Variants in RORA observed in about 807,000 individuals in gnomAD.
RORA encodes the protein RAR related orphan receptor A.
Under a neutral mutation model 69.5 loss-of-function variants are expected in RORA, and 7 were observed. That is an observed-to-expected ratio of 0.10 (90% CI 0.06 to 0.19). RORA has a LOEUF of 0.19. Among genes scored for constraint, RORA ranks in the 10% least tolerant of loss-of-function variants. RORA has a pLI of 1.00. For missense variants in RORA, 457 were observed against 663.0 expected (o/e 0.69, Z 3.41); for synonymous variants, 261 against 240.8 (o/e 1.08, Z -0.78).
Position 60,531,622 on chromosome 15 carries a change from A to T in RORA, c.282+144T>A, listed in dbSNP as rs962231727. ...ATAACTTCTTTAATTGTAATTTAAC[A>T]CCAAAATATTTCTTCTATCCTGTAA... is the stretch of plus-strand genomic sequence containing the variant. On this transcript the variant is annotated intron_variant, in intron 3 of 10. Transcript: ENST00000335670. The surrounding 1 kb of genome is among the most constrained non-coding windows in gnomAD (Gnocchi z 4.8). The T allele has an allele frequency of 1.7e-6, 1 of 572,864 alleles. No homozygotes were observed. The highest frequency in any genetic ancestry group is 3.1e-6 in the Non-Finnish European group (1 of 326,842). 35.5% of individuals were successfully genotyped at this position (572,864 alleles called of 1,614,324 possible). A position where few individuals can be genotyped will look rare whatever the true frequency, so the allele number is the denominator to read the frequency against.
intron 1 of RORA, among the ~76,000 whole-genome samples, chr15:61,208,395 T>C (rs77840503): frequency 8.5e-5 from 13 of 152,226 alleles, no homozygotes; most frequent in Non-Finnish European, 1.9e-4. Flanking sequence ...TGTCTTAGAC[T>C]AGGGCTAGGA....
chr15:60,644,109 G>T (rs911764142), intron 2 of RORA, among the ~76,000 whole-genome samples: 2 of 152,156 alleles, frequency 1.3e-5, no homozygotes, highest in Admixed American at 6.5e-5. Flanking sequence ...TTGAGGAGGG[G>T]ACTAATTTGA....
chr15:61,022,304 C>G (rs534632411), intron 1 of RORA, among the ~76,000 whole-genome samples: 1 of 152,102 alleles, frequency 6.6e-6, no homozygotes, highest in Non-Finnish European at 1.5e-5. Context: ...ATTTAGGCAG[C>G]TATTAATTAA....
intron 3 of RORA, among the ~76,000 whole-genome samples, chr15:60,521,311 G>A (rs776974938): frequency 1.3e-5 from 2 of 150,146 alleles, no homozygotes; most frequent in Non-Finnish European, 2.9e-5. Flanking sequence ...GCATTACCTC[G>A]GGTCACTGCA....
At chr15:61,153,299 A>G (rs2079413873) in intron 1 of RORA, among the ~76,000 whole-genome samples, 1 of 152,216 alleles carries the variant, frequency 6.6e-6, no homozygotes, top group South Asian at 2.1e-4. Flanking sequence ...TTAAGGCTAC[A>G]CCATGTATAC....
chr15:60,726,826 G>A (rs1356275152), intron 1 of RORA, among the ~76,000 whole-genome samples: 1 of 152,150 alleles, frequency 6.6e-6, no homozygotes, highest in Non-Finnish European at 1.5e-5. Context: ...GGGTCGTGGG[G>A]TAGATAATCA....
At position 60,497,573 on chromosome 15, in the gene RORA, G is replaced by C; in HGVS notation, c.1454C>G (p.Thr485Arg). The change falls in exon 11 of 11, where the codon ACA becomes AGA. Residue 485 changes from threonine (T) to arginine (R), a missense_variant. Around this residue, in one of 3 missense-constraint regions of RORA, gnomAD observed 304 missense variants for 447.4 expected, o/e 0.68. Transcript: ENST00000335670. Reference sequence around the variant, plus strand: ...TGCTTTAAATGCCATTAGCTTTTCTGTATGTCGTCCACATAAGGCTCTTAA... The same window carrying C: ...TGCTTTAAATGCCATTAGCTTTTCTCTATGTCGTCCACATAAGGCTCTTAA... ...STLRALCGRH[T>R]EKLMAFKAIY... 6.2e-7 allele frequency: 1 copy of C among 1,612,608 alleles called. No individual in the cohort carries two copies. Among genetic ancestry groups the C allele is most frequent in the Non-Finnish European group, 8.5e-7 (1 of 1,178,634 alleles).
chr15:60,536,768 C>T (rs1018963862), intron 2 of RORA, among the ~76,000 whole-genome samples: 1 of 152,232 alleles, frequency 6.6e-6, no homozygotes, highest in Non-Finnish European at 1.5e-5. Flanking sequence ...GAGAACATGT[C>T]TGTCATACTT....
rs150847462 is a variant in RORA, at chr15:60,716,026, G to C, written c.167-37340C>G. Among the ~76,000 whole-genome samples, 1,290 of 152,072 alleles carry C rather than the reference G, an allele frequency of 8.5e-3. 21 individuals carry two copies. The highest frequency in any genetic ancestry group is 0.03 in the African/African-American group (1,252 of 41,560). On this transcript the variant is annotated intron_variant, in intron 1 of 10. Coordinates refer to ENST00000335670, the MANE Select transcript of RORA (RefSeq NM_134261.3). ...AATTATCATTTCCCACCAGCCTCTA[G>C]GCCAGTGCTTTTCAAAGTTTAATGT...
rs1408531415 is a variant in RORA at position 61,190,073 on chromosome 15, T to C, written c.166+38980A>G. Among the ~76,000 whole-genome samples the C allele has an allele frequency of 3.9e-5, 6 of 152,130 alleles. 1 individual carries two copies. The highest frequency in any genetic ancestry group is 1.4e-4 in the African/African-American group (6 of 41,440). On this transcript the variant is annotated intron_variant, in intron 1 of 10. Coordinates refer to ENST00000335670, the MANE Select transcript of RORA (RefSeq NM_134261.3). The stretch of plus-strand genomic sequence containing the variant: ...TATTGGCCTGAAGTGAAGCTCATTA[T>C]ATCTTTTAAAGTTTATCTGTTCCTC...
At chr15:60,628,069 G>A (rs554184728) in intron 2 of RORA, among the ~76,000 whole-genome samples, 5 of 152,208 alleles carry the variant, frequency 3.3e-5, no homozygotes, top group South Asian at 4.1e-4. Context: ...TCTGGTTAAC[G>A]TATTGCTTTA....
At chr15:60,838,430 G>C (rs1361918103) in intron 1 of RORA, among the ~76,000 whole-genome samples, 2 of 152,156 alleles carry the variant, frequency 1.3e-5, no homozygotes, top group Non-Finnish European at 2.9e-5. Flanking sequence ...CTGAGGGTAT[G>C]CTGTCCAAGC....
rs569890474 is a variant in RORA, at chr15:60,761,572, C to T, written c.167-82886G>A. On this transcript the variant is annotated intron_variant, in intron 1 of 10. Coordinates refer to ENST00000335670, the MANE Select transcript of RORA (RefSeq NM_134261.3). ...TTTCAAGCTCTTGCCCAGAATGTTG[C>T]TTCTATTTTTGCAAAAATGGCTCAC... Among the ~76,000 whole-genome samples, 4 of 152,186 alleles carry T rather than the reference C, an allele frequency of 2.6e-5. No homozygotes were observed. In the East Asian group the frequency reaches 5.8e-4, roughly 22 times the overall value.
At chr15:60,529,190 C>T (rs2066454816) in intron 3 of RORA, 1 of 152,146 alleles carries the variant, frequency 6.6e-6, no homozygotes, top group Non-Finnish European at 1.5e-5. Flanking sequence ...GACTGATCAC[C>T]TTTCTTCTCT....
At chr15:60,805,158 T>C (rs2072642797) in intron 1 of RORA, among the ~76,000 whole-genome samples, 1 of 152,060 alleles carries the variant, frequency 6.6e-6, no homozygotes, top group African/African-American at 2.4e-5. Context: ...CCACACCCCA[T>C]AGGCAGCCAT....
chr15:60,661,081 A>T (rs1042455524), intron 2 of RORA, among the ~76,000 whole-genome samples: 1 of 141,114 alleles, frequency 7.1e-6, no homozygotes, highest in African/African-American at 2.6e-5. Flanking sequence ...TAGAGGAGTT[A>T]TTTTTTTTTT....
intron 2 of RORA, among the ~76,000 whole-genome samples, chr15:60,674,738 G>A (rs931657832): frequency 5.3e-5 from 8 of 152,158 alleles, no homozygotes; most frequent in East Asian, 1.9e-4. Flanking sequence ...ATTCAGAGGC[G>A]TATCTTGTTT....
chr15:60,578,904 C>T (rs1416529181), intron 2 of RORA, among the ~76,000 whole-genome samples: 1 of 151,762 alleles, frequency 6.6e-6, no homozygotes, highest in East Asian at 1.9e-4. Context: ...GCTGGGACTA[C>T]AGGCGCCCGC....
At chr15:60,819,775 A>ACGCG (rs1555455795) in intron 1 of RORA, among the ~76,000 whole-genome samples, 2 of 142,752 alleles carry the variant, frequency 1.4e-5, no homozygotes, top group African/African-American at 2.6e-5. Context: ...ACACACACAC[A>ACGCG]CACACACACA....
Sources: allele counts gnomAD v4.1 joint callset (sites outside exome capture counted in the v4.1 genomes callset), GRCh38; gene constraint gnomAD v4.1.1; regional missense constraint gnomAD v4.1.1; non-coding constraint Gnocchi (gnomAD v3.1); transcripts MANE v1.5; gene names NCBI Gene and HGNC (gene_info 2026-07-23, HGNC 2026-07-21).